Variants in MAP3K4 observed in about 807,000 individuals in gnomAD.
MAP3K4 encodes MAP three kinase 1.
A neutral mutation model predicts 185.6 loss-of-function variants in MAP3K4; 67 were observed. The observed-to-expected ratio is 0.36, with a 90% CI of 0.30 to 0.44. The LOEUF (loss-of-function observed/expected upper bound fraction) is 0.44, where lower values mean the gene tolerates loss of function less well. Ranked by LOEUF, MAP3K4 falls within the 20% of genes least tolerant of loss-of-function variation. The pLI, the probability that MAP3K4 is intolerant of heterozygous loss-of-function variation, is 1.00. For synonymous variants in MAP3K4, 702 were observed against 710.4 expected (o/e 0.99, Z 0.19); for missense variants, 1,551 against 1,995.1 (o/e 0.78, Z 4.24).
At position 161,007,279 on chromosome 6, in the gene MAP3K4, A is replaced by G. The variant is rs1164911734; in HGVS notation, c.152+15196A>G. Among the ~76,000 whole-genome samples, 2 of 152,202 alleles carry G rather than the reference A, an allele frequency of 1.3e-5. No individual in the cohort carries two copies. Among genetic ancestry groups the G allele is most frequent in the Non-Finnish European group, 2.9e-5 (2 of 68,026 alleles). On this transcript the variant is annotated intron_variant, in intron 1 of 26. Coordinates refer to ENST00000392142, the MANE Select transcript of MAP3K4 (RefSeq NM_005922.4). The surrounding 1 kb of genome is among the most constrained non-coding windows in gnomAD (Gnocchi z 4.5). ...AGTGGACAGTTAAGTAGACGATTTT[A>G]TTCGGGATATTGCAGTGGGGAAAAA...
At chr6:161,111,684 A>G (rs1778356368) in intron 23 of MAP3K4, 152 bp from the exon 24 acceptor site, 2 of 812,420 alleles carry the variant, frequency 2.5e-6, no homozygotes, top group East Asian at 5.2e-5. Context: ...AAGGCTTACA[A>G]ATCTTCCTAT....
intron 1 of MAP3K4, among the ~76,000 whole-genome samples, chr6:161,020,749 G>C (rs1782348561): frequency 6.6e-6 from 1 of 151,714 alleles, no homozygotes; most frequent in African/African-American, 2.4e-5. Context: ...AGTTTTCATG[G>C]TTGAAATATA....
intron 3 of MAP3K4, 101 bp downstream of exon 3, chr6:161,050,080 T>G: frequency 8.6e-7 from 1 of 1,168,834 alleles, no homozygotes; most frequent in Non-Finnish European, 1.2e-6. Context: ...CTAATATTTT[T>G]GAACACAAAT....
chr6:160,994,544 T>C (rs1239402010), intron 1 of MAP3K4, among the ~76,000 whole-genome samples: 1 of 152,182 alleles, frequency 6.6e-6, no homozygotes, highest in Non-Finnish European at 1.5e-5. Flanking sequence ...TTGATGGGCA[T>C]TTAGGTTGGT....
At position 161,108,186 on chromosome 6, in the gene MAP3K4, T is replaced by C. The variant is rs1410342720; in HGVS notation, c.4119+217T>C. Among the ~76,000 whole-genome samples the C allele has an allele frequency of 6.6e-6, 1 of 152,150 alleles. No individual in the cohort carries two copies. Among genetic ancestry groups the C allele is most frequent in the East Asian group, 1.9e-4 (1 of 5,194 alleles). On this transcript the variant is annotated intron_variant, in intron 21 of 26. Coordinates refer to ENST00000392142, the MANE Select transcript of MAP3K4 (RefSeq NM_005922.4). This position sits in a 1 kb window ranked among gnomAD's most constrained non-coding sequence, Gnocchi z 5.7. ...GAGAGGATAATAAGTCACAGACAGT[T>C]CTAACAGCACAGGTGTGAGAAGGGC...
intron 1 of MAP3K4, among the ~76,000 whole-genome samples, chr6:161,023,171 C>T (rs1473079814): frequency 6.6e-6 from 1 of 152,084 alleles, no homozygotes; most frequent in Non-Finnish European, 1.5e-5. Flanking sequence ...TTGCTGTATC[C>T]TTGTACCACC....
chr6:161,085,275 A>G (rs1012430820), intron 7 of MAP3K4, among the ~76,000 whole-genome samples: 2 of 152,222 alleles, frequency 1.3e-5, no homozygotes, highest in Non-Finnish European at 2.9e-5. Context: ...GTAGTGGTCC[A>G]TTAATACATT....
chr6:161,116,804 C>T lies in MAP3K4; in HGVS notation c.4807-46C>T, dbSNP rs774541813. ...CTCATACTGCGCGTATGCACAAGCA[C>T]ACACCTGGCTCTGCAAGAGCTCAGC... On this transcript the variant is annotated intron_variant, in intron 26 of 26. Transcript: ENST00000392142. This position sits in a 1 kb window ranked among gnomAD's most constrained non-coding sequence, Gnocchi z 6.2. The T allele has an allele frequency of 2.5e-6, 4 of 1,595,906 alleles. No individual in the cohort carries two copies. The highest frequency in any genetic ancestry group is 3.4e-6 in the Non-Finnish European group (4 of 1,163,972).
rs1384109982 is a variant in MAP3K4 at position 161,087,307 on chromosome 6, T to A, written c.2557-381T>A. On this transcript the variant is annotated intron_variant, in intron 9 of 26. Transcript: ENST00000392142. The surrounding 1 kb of genome is among the most constrained non-coding windows in gnomAD (Gnocchi z 4.9). ...CCTGCCCTGGAATAATTAGAGAATC[T>A]GTATTAACAATTTTTGCCTTTTTCC... 6.6e-6 allele frequency among the ~76,000 whole-genome samples: 1 copy of A among 152,248 alleles called. No individual in the cohort carries two copies. Among genetic ancestry groups the A allele is most frequent in the Non-Finnish European group, 1.5e-5 (1 of 68,040 alleles).
intron 1 of MAP3K4, among the ~76,000 whole-genome samples, chr6:161,003,271 G>A (rs1255157702): frequency 5.0e-5 from 1 of 19,860 alleles, no homozygotes; most frequent in African/African-American, 2.2e-4. Context: ...ATTTACAAAA[G>A]CATATTCTAA....
chr6:161,048,698 G>A lies in MAP3K4; in HGVS notation c.426G>A (p.Gln142=), dbSNP rs1783858623. The A allele has an allele frequency of 4.3e-6, 7 of 1,613,730 alleles. No individual in the cohort carries two copies. The South Asian group carries it at 5.5e-5, about 13-fold the overall frequency. Residue 142 remains glutamine (Q), a synonymous_variant, in exon 3 of 27, where the codon CAG becomes CAA. Transcript: ENST00000392142. This position sits in a 1 kb window ranked among gnomAD's most constrained non-coding sequence, Gnocchi z 4.7. ...ATGTGGAAGAATACAGCTATAAGCA[G>A]GAGAAAAAGATCCGAGCAGCTCTTA... ...VENVEEYSYK[Q]EKKIRAALRT...
chr6:161,050,945 G>A lies in MAP3K4; in HGVS notation c.1707+966G>A, dbSNP rs569915779. 5.2e-4 allele frequency among the ~76,000 whole-genome samples: 79 copies of A among 152,324 alleles called. 1 individual carries two copies. In the Middle Eastern group the frequency reaches 0.017, roughly 33 times the overall value. On this transcript the variant is annotated intron_variant, in intron 3 of 26. Transcript: ENST00000392142. ...GGACTTCCCACGGATCCCAAAATCCGAAAATGCTCAAGTCCCTCATACAAA... is the reference window on the plus strand; with the variant it reads ...GGACTTCCCACGGATCCCAAAATCCAAAAATGCTCAAGTCCCTCATACAAA...
In MAP3K4 at chr6:161,096,997, C is replaced by A; in HGVS notation, c.3428-83C>A. ...GTCATTGGCCAGAATAAGTGACATT[C>A]TATTTTCCATTTGACTGTTTGGTTT... On this transcript the variant is annotated intron_variant, in intron 15 of 26. Transcript: ENST00000392142. This position sits in a 1 kb window ranked among gnomAD's most constrained non-coding sequence, Gnocchi z 4.9. The A allele has an allele frequency of 8.9e-7, 1 of 1,127,154 alleles. No individual in the cohort carries two copies. The highest frequency in any genetic ancestry group is 1.3e-6 in the Non-Finnish European group (1 of 741,748). The allele number at this position is 1,127,154 out of a possible 1,614,324, so 69.8% of individuals were successfully genotyped here. A position where few individuals can be genotyped will look rare whatever the true frequency, so the allele number is the denominator to read the frequency against.
At chr6:161,046,171 A>C (rs1270729235) in intron 2 of MAP3K4, among the ~76,000 whole-genome samples, 1 of 152,122 alleles carries the variant, frequency 6.6e-6, no homozygotes. Context: ...TGTATATGTC[A>C]TTTTGTGTTT....
chr6:161,077,484 G>A lies in MAP3K4; in HGVS notation c.2098-3397G>A, dbSNP rs185490780. ...CCCTTTTTGGTAGCAGGTGCGGTCC[G>A]CTTGGGAAAGGAGCCTGGCAAGAGC... On this transcript the variant is annotated intron_variant, in intron 5 of 26. Coordinates refer to ENST00000392142, the MANE Select transcript of MAP3K4 (RefSeq NM_005922.4). This position sits in a 1 kb window ranked among gnomAD's most constrained non-coding sequence, Gnocchi z 4.3. Among the ~76,000 whole-genome samples, 62 of 152,252 alleles carry A rather than the reference G, an allele frequency of 4.1e-4. No individual in the cohort carries two copies. The highest frequency in any genetic ancestry group is 1.3e-3 in the African/African-American group (56 of 41,538).
At chr6:160,999,288 C>A (rs1264817412) in intron 1 of MAP3K4, among the ~76,000 whole-genome samples, 3 of 152,140 alleles carry the variant, frequency 2.0e-5, no homozygotes, top group Admixed American at 6.5e-5. Flanking sequence ...AATTGTCAAC[C>A]TTTTTAGTGT....
Position 161,116,933 on chromosome 6 carries a change from A to G in MAP3K4, c.*63A>G. The G allele has an allele frequency of 1.4e-6, 2 of 1,452,612 alleles. No homozygotes were observed. The highest frequency in any genetic ancestry group is 3.4e-5 in the Admixed American group (2 of 59,656). 90.0% of individuals were successfully genotyped at this position (1,452,612 alleles called of 1,614,324 possible). The stretch of plus-strand genomic sequence containing the variant: ...CACTACTGTATGTAATATTTACATA[A>G]AGACTGTGCTGAGAAGCAGTATAAG... On this transcript the variant is annotated 3_prime_UTR_variant, in exon 27 of 27. Coordinates refer to ENST00000392142, the MANE Select transcript of MAP3K4 (RefSeq NM_005922.4). This position sits in a 1 kb window ranked among gnomAD's most constrained non-coding sequence, Gnocchi z 6.2.
At position 161,080,555 on chromosome 6, in the gene MAP3K4, G is replaced by A; in HGVS notation, c.2098-326G>A. On this transcript the variant is annotated intron_variant, in intron 5 of 26. Coordinates refer to ENST00000392142, the MANE Select transcript of MAP3K4 (RefSeq NM_005922.4). This position sits in a 1 kb window ranked among gnomAD's most constrained non-coding sequence, Gnocchi z 4.8. ...ACCTCTTAAAGGAATAATGTTGACA[G>A]TACATTCATAATGAAAAGTTCTGGG... 2 of 309,530 alleles carry A rather than the reference G, an allele frequency of 6.5e-6. No homozygotes were observed. The highest frequency in any genetic ancestry group is 2.2e-5 in the African/African-American group (1 of 44,450). 19.2% of individuals were successfully genotyped at this position (309,530 alleles called of 1,614,324 possible). A position where few individuals can be genotyped will look rare whatever the true frequency, so the allele number is the denominator to read the frequency against.
chr6:161,112,784 GC>G lies in MAP3K4; in HGVS notation c.4626+15del. The stretch of plus-strand genomic sequence containing the variant: ...GATGGTGACTGGCAAGGTAAGCGGA[GC>G]CCCCACACCTGGCGGAGCAACTTCA... On this transcript the variant is annotated intron_variant, in intron 25 of 26. Transcript: ENST00000392142. This position sits in a 1 kb window ranked among gnomAD's most constrained non-coding sequence, Gnocchi z 5.1. 3 of 1,573,108 alleles carry G rather than the reference GC, an allele frequency of 1.9e-6. No individual in the cohort carries two copies. Among genetic ancestry groups the G allele is most frequent in the Non-Finnish European group, 1.7e-6 (2 of 1,161,264 alleles).
Sources: allele counts gnomAD v4.1 joint callset (sites outside exome capture counted in the v4.1 genomes callset), GRCh38; gene constraint gnomAD v4.1.1; non-coding constraint Gnocchi (gnomAD v3.1); transcripts MANE v1.5; gene names NCBI Gene and HGNC (gene_info 2026-07-23, HGNC 2026-07-21).